The following PTPRM variants were observed in gnomAD, a reference collection of about 807,000 sequenced individuals.
PTPRM encodes receptor-type tyrosine-protein phosphatase mu.
Under a neutral mutation model 186.7 loss-of-function variants are expected in PTPRM, and 47 were observed. The observed-to-expected ratio is 0.25, with a 90% CI of 0.20 to 0.32. The LOEUF is 0.32. PTPRM is among the 10% of genes least tolerant of loss of function. PTPRM has a pLI of 1.00. For synonymous variants in PTPRM, 668 were observed against 674.9 expected (o/e 0.99, Z 0.16); for missense variants, 1,494 against 1,865.0 (o/e 0.80, Z 3.66).
At chr18:8,217,650 C>T (rs1280642967) in intron 14 of PTPRM, among the ~76,000 whole-genome samples, 1 of 152,162 alleles carries the variant, frequency 6.6e-6, no homozygotes, top group Non-Finnish European at 1.5e-5. Context: ...ACTGTTCCAC[C>T]TTTAGTGCCC....
intron 14 of PTPRM, among the ~76,000 whole-genome samples, chr18:8,239,343 A>G (rs949437736): frequency 6.6e-6 from 1 of 152,138 alleles, no homozygotes; most frequent in African/African-American, 2.4e-5. Context: ...TGTTAAGAAC[A>G]GAACAAACCT....
intron 2 of PTPRM, among the ~76,000 whole-genome samples, chr18:7,847,910 C>T (rs1187243609): frequency 6.6e-6 from 1 of 152,196 alleles, no homozygotes; most frequent in Non-Finnish European, 1.5e-5. Context: ...GGACACTAAG[C>T]ACACAGCCGG....
At chr18:8,282,959 T>C (rs929175285) in intron 19 of PTPRM, among the ~76,000 whole-genome samples, 1 of 152,190 alleles carries the variant, frequency 6.6e-6, no homozygotes, top group Non-Finnish European at 1.5e-5. Context: ...AAGGGCATTG[T>C]GCTCAGGAAA....
chr18:8,052,107 T>A (rs1461642075), intron 7 of PTPRM, among the ~76,000 whole-genome samples: 1 of 152,186 alleles, frequency 6.6e-6, no homozygotes, highest in Non-Finnish European at 1.5e-5. Flanking sequence ...AGTATCTGCA[T>A]TCCTAGTAAG....
chr18:8,092,582 T>C (rs1236008055), intron 11 of PTPRM, among the ~76,000 whole-genome samples: 1 of 151,972 alleles, frequency 6.6e-6, no homozygotes, highest in African/African-American at 2.4e-5. Flanking sequence ...CCTGGCAAAT[T>C]CAAGGAGCAT....
intron 14 of PTPRM, among the ~76,000 whole-genome samples, chr18:8,212,023 C>G (rs2094012990): frequency 6.6e-6 from 1 of 151,978 alleles, no homozygotes; most frequent in Non-Finnish European, 1.5e-5. Context: ...GCATGACTGG[C>G]TGTAGGGTGA....
chr18:8,302,433 T>C (rs928424769), intron 20 of PTPRM, among the ~76,000 whole-genome samples: 4 of 152,066 alleles, frequency 2.6e-5, no homozygotes, highest in African/African-American at 9.7e-5. Context: ...CAGAGCCTTC[T>C]GGGGCAGGTT....
At chr18:8,301,913 A>G (rs1274542331) in intron 20 of PTPRM, among the ~76,000 whole-genome samples, 2 of 152,250 alleles carry the variant, frequency 1.3e-5, no homozygotes, top group Admixed American at 1.3e-4. Context: ...GACTTGAAAC[A>G]GGTGAGAAGA....
In PTPRM at chr18:7,981,133, G is replaced by A. The variant is rs180961232; in HGVS notation, c.1132+25719G>A. Among the ~76,000 whole-genome samples, 373 of 152,114 alleles carry A rather than the reference G, an allele frequency of 2.5e-3. 2 individuals are homozygous for A. Among genetic ancestry groups the A allele is most frequent in the African/African-American group, 8.4e-3 (350 of 41,498 alleles). On this transcript the variant is annotated intron_variant, in intron 7 of 32. Transcript: ENST00000580170. Reference sequence around the variant, plus strand: ...AAGGTAGAATCACACCTCCTCTCCCGCTGGTTTTCTACTACTCCTACCTCT... The same window carrying A: ...AAGGTAGAATCACACCTCCTCTCCCACTGGTTTTCTACTACTCCTACCTCT...
intron 14 of PTPRM, among the ~76,000 whole-genome samples, chr18:8,181,421 C>T (rs1004765976): frequency 5.9e-5 from 9 of 152,084 alleles, no homozygotes; most frequent in Admixed American, 3.3e-4. Flanking sequence ...TCACAGAGGG[C>T]GGCGACCTCT....
At chr18:8,330,477 A>G (rs1293763208) in intron 22 of PTPRM, among the ~76,000 whole-genome samples, 2 of 152,142 alleles carry the variant, frequency 1.3e-5, no homozygotes, top group Non-Finnish European at 2.9e-5. Flanking sequence ...AGAGGATTCC[A>G]CTTGTGTACT....
chr18:7,992,648 TATTGTC>T (rs1019864785), intron 7 of PTPRM, among the ~76,000 whole-genome samples: 67 of 152,246 alleles, frequency 4.4e-4, no homozygotes, highest in African/African-American at 1.6e-3. Flanking sequence ...AGTCCTAACT[TATTGTC>T]ATTGATAGGT....
intron 1 of PTPRM, among the ~76,000 whole-genome samples, chr18:7,689,809 A>G (rs1199594808): frequency 6.6e-6 from 1 of 152,160 alleles, no homozygotes; most frequent in African/African-American, 2.4e-5. Flanking sequence ...TTAATTTTTT[A>G]AAAATAATAT....
At chr18:7,777,796 TTTTC>T (rs1381051639) in intron 2 of PTPRM, among the ~76,000 whole-genome samples, 2 of 152,188 alleles carry the variant, frequency 1.3e-5, no homozygotes, top group African/African-American at 4.8e-5. Context: ...CGTGATGTGA[TTTTC>T]TTTATTTTTT....
intron 14 of PTPRM, among the ~76,000 whole-genome samples, chr18:8,233,567 CCAGGTATG>C (rs2094312054): frequency 6.6e-6 from 1 of 152,086 alleles, no homozygotes; most frequent in South Asian, 2.1e-4. Context: ...CAGTTCATTA[CCAGGTATG>C]TCTTTTACAA....
intron 7 of PTPRM, among the ~76,000 whole-genome samples, chr18:8,039,887 G>A (rs575929148): frequency 6.6e-6 from 1 of 152,200 alleles, no homozygotes; most frequent in South Asian, 2.1e-4. Flanking sequence ...TTATGAGAAG[G>A]ACCTTTTCAT....
intron 2 of PTPRM, among the ~76,000 whole-genome samples, chr18:7,778,237 G>T (rs1317814279): frequency 2.6e-5 from 4 of 152,060 alleles, no homozygotes; most frequent in African/African-American, 4.8e-5. Flanking sequence ...GTTAGCTCTG[G>T]AAATACATAT....
At chr18:7,952,873 G>T (rs1214191884) in intron 6 of PTPRM, among the ~76,000 whole-genome samples, 2 of 152,014 alleles carry the variant, frequency 1.3e-5, no homozygotes, top group African/African-American at 4.8e-5. Context: ...AGCTGTGGTG[G>T]CACACACCTG....
chr18:8,121,450 T>A lies in PTPRM; in HGVS notation c.2167+6623T>A, dbSNP rs571206020. Among the ~76,000 whole-genome samples, 219 of 152,334 alleles carry A rather than the reference T, an allele frequency of 1.4e-3. 2 individuals carry two copies. Among genetic ancestry groups the A allele is most frequent in the African/African-American group, 3.6e-3 (151 of 41,588 alleles). On this transcript the variant is annotated intron_variant, in intron 13 of 32. Transcript: ENST00000580170. The stretch of plus-strand genomic sequence containing the variant: ...TGATGTTTTAATTTTCTATTTTTTT[T>A]AAATATCTGTGTGTCATTAATGTTA...
Sources: allele counts gnomAD v4.1 joint callset (sites outside exome capture counted in the v4.1 genomes callset), GRCh38; gene constraint gnomAD v4.1.1; transcripts MANE v1.5; gene names NCBI Gene and HGNC (gene_info 2026-07-23, HGNC 2026-07-21).